EXOC6B: variants seen among roughly 807,000 people sequenced by gnomAD.
EXOC6B encodes the protein exocyst complex component 6B, also known as SEC15 homolog B.
In EXOC6B, 54 loss-of-function variants were observed where a neutral mutation model predicts 113.5. The ratio of observed to expected loss-of-function variants is 0.48; its 90% CI spans 0.38 to 0.60. The LOEUF (loss-of-function observed/expected upper bound fraction) is 0.60. EXOC6B is among the 20% of genes least tolerant of loss of function. The pLI is 0.00. For synonymous variants in EXOC6B, 357 were observed against 339.0 expected (o/e 1.05, Z -0.58); for missense variants, 797 against 977.5 (o/e 0.82, Z 2.46).
chr2:72,513,650 T>C, intron 10 of EXOC6B, among the ~76,000 whole-genome samples: 1 of 151,316 alleles, frequency 6.6e-6, no homozygotes, highest in African/African-American at 2.4e-5. Context: ...ATATACATCA[T>C]ATATATATAT....
chr2:72,547,685 A>G (rs1702986006), intron 8 of EXOC6B, among the ~76,000 whole-genome samples: 1 of 152,200 alleles, frequency 6.6e-6, no homozygotes, highest in African/African-American at 2.4e-5. Context: ...AGCTTAAAGT[A>G]CATGCAGATC....
At chr2:72,818,020 G>T (rs1686362192) in intron 1 of EXOC6B, among the ~76,000 whole-genome samples, 1 of 152,016 alleles carries the variant, frequency 6.6e-6, no homozygotes, top group African/African-American at 2.4e-5. Context: ...CGCCCAGGCT[G>T]GAGTTCAGTG....
intron 18 of EXOC6B, among the ~76,000 whole-genome samples, chr2:72,458,488 G>A (rs1281228918): frequency 1.3e-5 from 2 of 152,076 alleles, no homozygotes; most frequent in African/African-American, 2.4e-5. Context: ...TCAGAAAAGT[G>A]TAGACAAGAC....
chr2:72,427,135 G>A (rs1031486343), intron 18 of EXOC6B, among the ~76,000 whole-genome samples: 3 of 152,308 alleles, frequency 2.0e-5, no homozygotes, highest in Non-Finnish European at 4.4e-5. Context: ...GGACAAGTGG[G>A]AGCCCCCCTG....
intron 6 of EXOC6B, among the ~76,000 whole-genome samples, chr2:72,576,668 G>A (rs771780919): frequency 2.2e-4 from 34 of 152,086 alleles, no homozygotes; most frequent in Admixed American, 7.2e-4. Flanking sequence ...GAAATACTGC[G>A]TCCCATGAAG....
intron 6 of EXOC6B, among the ~76,000 whole-genome samples, chr2:72,601,176 G>GTGTGTGTGTGCGTGTGTGTA (rs1553450422): frequency 6.8e-6 from 1 of 147,538 alleles, no homozygotes; most frequent in African/African-American, 2.5e-5. Context: ...GTGTGTGTGT[G>GTGTGTGTGTGCGTGTGTGTA]TATATCTTTT....
At chr2:72,569,646 T>C (rs1704403737) in intron 7 of EXOC6B, among the ~76,000 whole-genome samples, 2 of 152,194 alleles carry the variant, frequency 1.3e-5, no homozygotes, top group Admixed American at 1.3e-4. Context: ...ATCTGCAACC[T>C]CTGGTTTAAA....
At chr2:72,297,398 G>A (rs1228653147) in intron 20 of EXOC6B, among the ~76,000 whole-genome samples, 1 of 151,828 alleles carries the variant, frequency 6.6e-6, no homozygotes, top group Non-Finnish European at 1.5e-5. Flanking sequence ...CCTCAAGTAG[G>A]CCCCAGTGTC....
chr2:72,355,208 G>A (rs1689901431), intron 19 of EXOC6B, among the ~76,000 whole-genome samples: 1 of 152,108 alleles, frequency 6.6e-6, no homozygotes, highest in African/African-American at 2.4e-5. Context: ...ATTACTGTAT[G>A]CATATATACA....
intron 6 of EXOC6B, among the ~76,000 whole-genome samples, chr2:72,692,787 T>G (rs1677592188): frequency 6.6e-6 from 1 of 152,156 alleles, no homozygotes; most frequent in African/African-American, 2.4e-5. Context: ...CTGACTACAA[T>G]CCAGCTGCAT....
chr2:72,813,533 T>C (rs1030480998), intron 1 of EXOC6B, among the ~76,000 whole-genome samples: 2 of 152,228 alleles, frequency 1.3e-5, no homozygotes, highest in Admixed American at 6.5e-5. Context: ...CAAAAGATCA[T>C]TGTATACCTC....
At chr2:72,730,655 T>C (rs949545838) in intron 5 of EXOC6B, among the ~76,000 whole-genome samples, 2 of 151,482 alleles carry the variant, frequency 1.3e-5, no homozygotes, top group African/African-American at 2.4e-5. Flanking sequence ...GAACCCCAGT[T>C]AATGTACTCT....
rs143502109 is a variant in EXOC6B at position 72,618,977 on chromosome 2, C to A, written c.670-43309G>T. Among the ~76,000 whole-genome samples, 796 of 152,298 alleles carry A rather than the reference C, an allele frequency of 5.2e-3. 4 individuals carry two copies. The highest frequency in any genetic ancestry group is 9.4e-3 in the Non-Finnish European group (640 of 68,024). ...TTTAGGAATTAGCATGTGACTTAAT[C>A]TAGGCCAACCGAGTAAAATAGTGTT... On this transcript the variant is annotated intron_variant, in intron 6 of 21. Coordinates refer to ENST00000272427, the MANE Select transcript of EXOC6B (RefSeq NM_015189.3).
intron 17 of EXOC6B, among the ~76,000 whole-genome samples, chr2:72,476,606 C>T (rs1698760221): frequency 6.6e-6 from 1 of 152,010 alleles, no homozygotes; most frequent in Admixed American, 6.6e-5. Flanking sequence ...GTTATTTCTT[C>T]CTTCTTTCCT....
intron 5 of EXOC6B, among the ~76,000 whole-genome samples, chr2:72,726,696 TA>T (rs1680318700): frequency 6.6e-6 from 1 of 151,934 alleles, no homozygotes; most frequent in South Asian, 2.1e-4. Context: ...TAAGGGAGGG[TA>T]AAATGGAAGA....
chr2:72,317,578 C>G (rs1472277045), intron 20 of EXOC6B, among the ~76,000 whole-genome samples: 3 of 151,744 alleles, frequency 2.0e-5, no homozygotes, highest in Non-Finnish European at 4.4e-5. Flanking sequence ...CACACACACA[C>G]ACACACACAC....
chr2:72,700,916 A>C (rs1226185350), intron 6 of EXOC6B, among the ~76,000 whole-genome samples: 1 of 151,956 alleles, frequency 6.6e-6, no homozygotes, highest in African/African-American at 2.4e-5. Flanking sequence ...GTGCCACTGC[A>C]CTCCAGCCTG....
chr2:72,268,380 T>C (rs1045280874), intron 20 of EXOC6B, among the ~76,000 whole-genome samples: 1 of 152,066 alleles, frequency 6.6e-6, no homozygotes, highest in African/African-American at 2.4e-5. Flanking sequence ...CCAAAGTGTT[T>C]GGGTTACAGG....
At chr2:72,248,756 G>T (rs1357818886) in intron 20 of EXOC6B, among the ~76,000 whole-genome samples, 1 of 152,002 alleles carries the variant, frequency 6.6e-6, no homozygotes, top group African/African-American at 2.4e-5. Context: ...ACCAAAAAAA[G>T]ACACACAGTG....
Sources: allele counts gnomAD v4.1 joint callset (sites outside exome capture counted in the v4.1 genomes callset), GRCh38; gene constraint gnomAD v4.1.1; transcripts MANE v1.5; gene names NCBI Gene and HGNC (gene_info 2026-07-23, HGNC 2026-07-21).